Variants in SCAF11 observed in about 807,000 individuals in gnomAD.
SCAF11 encodes the protein protein SCAF11.
SCAF11 carries 47 observed loss-of-function variants against 140.5 expected under a neutral mutation model. The observed-to-expected ratio is 0.33, with a 90% CI of 0.26 to 0.43. The LOEUF (loss-of-function observed/expected upper bound fraction) is 0.43. Ranked by LOEUF, SCAF11 falls within the 20% of genes least tolerant of loss-of-function variation. The pLI is 1.00. For synonymous variants in SCAF11, 557 were observed against 579.4 expected, an observed-to-expected ratio of 0.96 and a Z score of 0.55; for missense variants, 1,645 against 1,705.1, an observed-to-expected ratio of 0.96 and a Z score of 0.62.
chr12:45,964,417 C>CA (rs1175713993), intron 1 of SCAF11, among the ~76,000 whole-genome samples: 1 of 152,160 alleles, frequency 6.6e-6, no homozygotes, highest in African/African-American at 2.4e-5. Flanking sequence ...CCTGTAATCC[C>CA]AGCACTTTGG....
chr12:45,984,110 C>T (rs942193800), intron 1 of SCAF11, among the ~76,000 whole-genome samples: 3 of 151,876 alleles, frequency 2.0e-5, no homozygotes, highest in South Asian at 2.1e-4. Flanking sequence ...GCTCATGTTA[C>T]GAATAGTGAG....
intron 3 of SCAF11, among the ~76,000 whole-genome samples, chr12:45,952,577 G>GATT (rs1945577665): frequency 6.6e-6 from 1 of 152,112 alleles, no homozygotes; most frequent in Admixed American, 6.5e-5. Context: ...GTGATACTAT[G>GATT]ATTATAAGTC....
intron 1 of SCAF11, among the ~76,000 whole-genome samples, chr12:45,990,002 C>T (rs1946555463): frequency 6.6e-6 from 1 of 151,898 alleles, no homozygotes; most frequent in African/African-American, 2.4e-5. Context: ...ACCCTGCACC[C>T]GGACGGGGAC....
intron 6 of SCAF11, among the ~76,000 whole-genome samples, chr12:45,942,411 T>C (rs1291927689): frequency 6.6e-6 from 1 of 152,234 alleles, no homozygotes; most frequent in African/African-American, 2.4e-5. Flanking sequence ...ACTTCTACTC[T>C]TATTCGTCTA....
In SCAF11 at chr12:45,928,313, T is replaced by A; in HGVS notation, c.1388A>T (p.Asn463Ile). ...QIEESEKHTA[N>I]YDTEERVGSS... ...TCCTACTCTTTCCTCTGTATCATAA[T>A]TTGCAGTATGCTTCTCACTTTCTTC... The change falls in exon 11 of 15, where the codon AAT (asparagine) becomes ATT (isoleucine). Residue 463 changes from asparagine (N) to isoleucine (I), a missense_variant. Physicochemically the swap from Asn to Ile is moderately radical, Grantham distance 149. Coordinates refer to ENST00000369367, the MANE Select transcript of SCAF11 (RefSeq NM_004719.3). 1 of 1,613,990 alleles carries A rather than the reference T, an allele frequency of 6.2e-7. No homozygotes were observed. The highest frequency in any genetic ancestry group is 1.1e-5 in the South Asian group (1 of 91,040).
At chr12:45,930,135 G>T (rs773933952) in intron 10 of SCAF11, among the ~76,000 whole-genome samples, 3 of 152,158 alleles carry the variant, frequency 2.0e-5, no homozygotes, top group Non-Finnish European at 4.4e-5. Context: ...TATATCATTT[G>T]TTTACAAGAT....
At position 45,928,393 on chromosome 12, in the gene SCAF11, C is replaced by T. The variant is rs1291173904; in HGVS notation, c.1308G>A (p.Gln436=). The change falls in exon 11 of 15, where the codon CAG becomes CAA. Residue 436 remains glutamine, a synonymous_variant. Coordinates refer to ENST00000369367, the MANE Select transcript of SCAF11 (RefSeq NM_004719.3). ...TAGCAGACTGGTTTTCTACATGAGT[C>T]TGCACAGTACAAATGTTACTACTGT... ...DVDSSNICTV[Q]THVENQSANC... The T allele has an allele frequency of 1.9e-6, 3 of 1,614,086 alleles. No homozygotes were observed. Among genetic ancestry groups the T allele is most frequent in the Non-Finnish European group, 2.5e-6 (3 of 1,179,964 alleles).
intron 2 of SCAF11, 89 bp downstream of exon 2, chr12:45,964,015 ACTC>A (rs1945882429): frequency 3.0e-6 from 2 of 664,742 alleles, no homozygotes; most frequent in Non-Finnish European, 5.1e-6. Context: ...ATAACAAAAA[ACTC>A]CTGTGTATTC....
intron 14 of SCAF11, 25 bp downstream of exon 14, chr12:45,922,438 A>G (rs1198138011): frequency 1.9e-6 from 3 of 1,593,690 alleles, no homozygotes. Flanking sequence ...CAACGTGCAC[A>G]TACTCCACTA....
chr12:45,985,388 A>AT (rs1056357994), intron 1 of SCAF11, among the ~76,000 whole-genome samples: 4 of 151,998 alleles, frequency 2.6e-5, no homozygotes, highest in African/African-American at 9.7e-5. Flanking sequence ...CTGTCCTGGG[A>AT]TGCACCCCTT....
rs1250088422 is a variant in SCAF11 at position 45,924,984 on chromosome 12, T to C, written c.3650A>G (p.Gln1217Arg). 9 of 1,614,238 alleles carry C rather than the reference T, an allele frequency of 5.6e-6. No homozygotes were observed. Among genetic ancestry groups the C allele is most frequent in the Non-Finnish European group, 7.6e-6 (9 of 1,180,028 alleles). ...MMQPQMNVMQ[Q>R]QMNAQHQPMN... ...AGGCTGGTGTTGTGCATTCATTTGT[T>C]GCTGCATTACATTCATTTGCGGTTG... Residue 1217 changes from glutamine to arginine, a missense_variant, in exon 12 of 15, where the codon CAA becomes CGA. Physicochemically the swap from Gln to Arg is conservative, Grantham distance 43. Around this residue, in one of 2 missense-constraint regions of SCAF11, gnomAD observed 1,582 missense variants for 1,609.2 expected, o/e 0.98. Coordinates refer to ENST00000369367, the MANE Select transcript of SCAF11 (RefSeq NM_004719.3).
rs564352754 is a variant in SCAF11 at position 45,942,704 on chromosome 12, G to A, written c.463+2545C>T. Reference sequence around the variant, plus strand: ...TTCATGGCTTAACTTCTTACTTCTTGAAGGTCACTGCTCAAATATATCTTT... The same window carrying A: ...TTCATGGCTTAACTTCTTACTTCTTAAAGGTCACTGCTCAAATATATCTTT... On this transcript the variant is annotated intron_variant, in intron 6 of 14. Coordinates refer to ENST00000369367, the MANE Select transcript of SCAF11 (RefSeq NM_004719.3). Among the ~76,000 whole-genome samples, 9 of 152,268 alleles carry A rather than the reference G, an allele frequency of 5.9e-5. No homozygotes were observed. The South Asian group carries it at 1.9e-3, about 32-fold the overall frequency.
At chr12:45,943,238 G>T (rs1447576686) in intron 6 of SCAF11, among the ~76,000 whole-genome samples, 3 of 152,066 alleles carry the variant, frequency 2.0e-5, no homozygotes, top group African/African-American at 7.2e-5. Context: ...CCTTATTTAT[G>T]GTGTCTCTTT....
intron 6 of SCAF11, among the ~76,000 whole-genome samples, chr12:45,936,327 A>G (rs1001598408): frequency 6.6e-6 from 1 of 151,784 alleles, no homozygotes; most frequent in African/African-American, 2.4e-5. Context: ...TTTTTAGTAG[A>G]GATGGGGTTT....
intron 1 of SCAF11, among the ~76,000 whole-genome samples, chr12:45,976,495 G>A (rs1946238338): frequency 6.6e-6 from 1 of 152,086 alleles, no homozygotes; most frequent in Admixed American, 6.6e-5. Flanking sequence ...GGTACTATCT[G>A]TAGTTTCAGG....
In SCAF11 at chr12:45,961,759, C is replaced by G. The variant is rs766052446; in HGVS notation, c.160G>C (p.Gly54Arg). The change falls in exon 3 of 15, where the codon GGT (glycine) becomes CGT (arginine). Residue 54 changes from glycine (G) to arginine (R), a missense_variant. This residue lies in a region of SCAF11 where 1,582 missense variants were observed against 1,609.2 expected (regional missense o/e 0.98). Transcript: ENST00000369367. ...CLNCLLEKEVGFPESCNHVFC... is the reference protein window; with the variant it reads ...CLNCLLEKEVRFPESCNHVFC... ...ACATGATTACAGCTTTCTGGAAAAC[C>G]AACTTCCTTTTCTAATAGACAATTA... 4 of 1,612,874 alleles carry G rather than the reference C, an allele frequency of 2.5e-6. No individual in the cohort carries two copies. In the Admixed American group the frequency reaches 6.7e-5, roughly 27 times the overall value.
chr12:45,970,888 T>C (rs575275113), intron 1 of SCAF11, among the ~76,000 whole-genome samples: 1 of 152,362 alleles, frequency 6.6e-6, no homozygotes, highest in Admixed American at 6.5e-5. Context: ...TCGTGCAGTG[T>C]GGAAGCGAGT....
At chr12:45,966,853 A>G (rs927837616) in intron 1 of SCAF11, among the ~76,000 whole-genome samples, 10 of 152,198 alleles carry the variant, frequency 6.6e-5, no homozygotes, top group Admixed American at 4.6e-4. Context: ...TTCATACCAT[A>G]CTATCTCCTT....
At chr12:45,989,455 A>G (rs1394704420) in intron 1 of SCAF11, among the ~76,000 whole-genome samples, 1 of 152,264 alleles carries the variant, frequency 6.6e-6, no homozygotes, top group South Asian at 2.1e-4. Flanking sequence ...TAGACACTGT[A>G]TGTAATACAA....
Sources: allele counts gnomAD v4.1 joint callset (sites outside exome capture counted in the v4.1 genomes callset), GRCh38; gene constraint gnomAD v4.1.1; regional missense constraint gnomAD v4.1.1; transcripts MANE v1.5; gene names NCBI Gene and HGNC (gene_info 2026-07-23, HGNC 2026-07-21).